LRMDA: variants seen among roughly 807,000 people sequenced by gnomAD.
The protein encoded by LRMDA is leucine rich melanocyte differentiation associated, also known as leucine-rich melanocyte differentiation-associated protein.
A neutral mutation model predicts 29.8 loss-of-function variants in LRMDA; 18 were observed. The ratio of observed to expected loss-of-function variants is 0.60; its 90% confidence interval spans 0.42 to 0.90. The LOEUF is 0.90. Ranked by LOEUF, LRMDA falls within the 40% of genes least tolerant of loss-of-function variation. LRMDA has a pLI of 0.00. For synonymous variants in LRMDA, 125 were observed against 109.4 expected (o/e 1.14, Z -0.89); for missense variants, 273 against 273.9 (o/e 1.00, Z 0.02).
chr10:76,277,907 T>G (rs779408594), intron 5 of LRMDA, among the ~76,000 whole-genome samples: 1 of 152,182 alleles, frequency 6.6e-6, no homozygotes, highest in Non-Finnish European at 1.5e-5. Flanking sequence ...GGGTTTACTT[T>G]TGGGCTTTGG....
intron 5 of LRMDA, among the ~76,000 whole-genome samples, chr10:76,100,076 A>ATTT (rs1382831593): frequency 6.6e-6 from 1 of 151,966 alleles, no homozygotes; most frequent in Admixed American, 6.6e-5. Flanking sequence ...CAGTTTTATC[A>ATTT]TTTTTTGCTT....
chr10:75,510,336 C>T (rs1267457224), intron 2 of LRMDA, among the ~76,000 whole-genome samples: 1 of 152,130 alleles, frequency 6.6e-6, no homozygotes, highest in Admixed American at 6.5e-5. Flanking sequence ...CTCTGAATAC[C>T]AGGTGGAGAT....
chr10:76,432,248 C>T lies in LRMDA; in HGVS notation c.601+107763C>T, dbSNP rs76117304. Among the ~76,000 whole-genome samples, 704 of 152,228 alleles carry T rather than the reference C, an allele frequency of 4.6e-3. 12 individuals carry two copies. The East Asian group carries it at 0.051, about 11-fold the overall frequency. ...GCCTGGGGGTGCTGCTGGTGTGGTGCTCCTTTACTGGCTCTGTCTTGCCAT... is the reference window on the plus strand; with the variant it reads ...GCCTGGGGGTGCTGCTGGTGTGGTGTTCCTTTACTGGCTCTGTCTTGCCAT... On this transcript the variant is annotated intron_variant, in intron 6 of 6. Coordinates refer to ENST00000611255, the MANE Select transcript of LRMDA (RefSeq NM_001305581.2).
At chr10:76,532,210 T>C (rs761740635) in intron 6 of LRMDA, among the ~76,000 whole-genome samples, 22 of 152,162 alleles carry the variant, frequency 1.4e-4, no homozygotes, top group Non-Finnish European at 1.6e-4. Flanking sequence ...TGGTGTGTGA[T>C]GTTCCCCTCC....
At chr10:75,937,859 T>C (rs1047913757) in intron 2 of LRMDA, among the ~76,000 whole-genome samples, 2 of 152,214 alleles carry the variant, frequency 1.3e-5, no homozygotes, top group African/African-American at 4.8e-5. Flanking sequence ...AAGGTGACCC[T>C]ACCAACTTAA....
At chr10:76,283,970 G>A (rs73289050) in intron 5 of LRMDA, among the ~76,000 whole-genome samples, 4,385 of 152,146 alleles carry the variant, frequency 0.029, 169 homozygotes, top group African/African-American at 0.09. Context: ...CACCTTTCTT[G>A]TTTTACTGCT....
intron 5 of LRMDA, among the ~76,000 whole-genome samples, chr10:76,097,919 A>G (rs1849339487): frequency 6.6e-6 from 1 of 152,188 alleles, no homozygotes; most frequent in African/African-American, 2.4e-5. Flanking sequence ...TAGTGATCAG[A>G]TGAGGATAAT....
intron 2 of LRMDA, among the ~76,000 whole-genome samples, chr10:75,958,945 G>C (rs879677093): frequency 2.6e-5 from 4 of 152,136 alleles, no homozygotes; most frequent in African/African-American, 9.7e-5. Flanking sequence ...ATCAGATCTC[G>C]TGAGACTTAC....
intron 6 of LRMDA, among the ~76,000 whole-genome samples, chr10:76,515,675 T>C (rs1489756236): frequency 6.6e-6 from 1 of 152,046 alleles, no homozygotes; most frequent in Non-Finnish European, 1.5e-5. Context: ...CCAGCAAATT[T>C]TTGTATTTTT....
At chr10:75,971,870 T>A (rs1436856804) in intron 2 of LRMDA, among the ~76,000 whole-genome samples, 1 of 152,178 alleles carries the variant, frequency 6.6e-6, no homozygotes, top group African/African-American at 2.4e-5. Context: ...CATGATCTTT[T>A]TGGCCAACGA....
chr10:75,850,533 G>A (rs1844714079), intron 2 of LRMDA, among the ~76,000 whole-genome samples: 1 of 152,274 alleles, frequency 6.6e-6, no homozygotes, highest in Admixed American at 6.5e-5. Context: ...TTTTTCTGTT[G>A]CTCATATAAC....
chr10:76,327,251 C>T (rs759790986), intron 6 of LRMDA, among the ~76,000 whole-genome samples: 2 of 152,074 alleles, frequency 1.3e-5, no homozygotes, highest in Non-Finnish European at 2.9e-5. Context: ...GCCACCATGC[C>T]TGGCTAATTT....
At chr10:75,747,293 A>C (rs1010053337) in intron 2 of LRMDA, among the ~76,000 whole-genome samples, 1 of 152,236 alleles carries the variant, frequency 6.6e-6, no homozygotes, top group East Asian at 1.9e-4. Context: ...AAAAAAGTCG[A>C]ATATAATTCC....
At chr10:75,591,486 C>A (rs1840723755) in intron 2 of LRMDA, among the ~76,000 whole-genome samples, 2 of 152,166 alleles carry the variant, frequency 1.3e-5, no homozygotes, top group Non-Finnish European at 2.9e-5. Flanking sequence ...TTCCTGAGGT[C>A]TTTTTATTTT....
At chr10:75,886,969 C>T (rs2132349514) in intron 2 of LRMDA, among the ~76,000 whole-genome samples, 1 of 152,084 alleles carries the variant, frequency 6.6e-6, no homozygotes, top group South Asian at 2.1e-4. Flanking sequence ...TTATAACATC[C>T]AAGGTGTGTC....
intron 2 of LRMDA, among the ~76,000 whole-genome samples, chr10:75,601,561 G>A (rs1840885704): frequency 6.6e-6 from 1 of 152,076 alleles, no homozygotes; most frequent in Non-Finnish European, 1.5e-5. Context: ...AAACAAAGGT[G>A]CAAATAAGGG....
intron 2 of LRMDA, among the ~76,000 whole-genome samples, chr10:75,471,922 T>C (rs763436115): frequency 3.2e-4 from 49 of 152,224 alleles, no homozygotes; most frequent in Non-Finnish European, 2.4e-4. Context: ...CTTGGATTCT[T>C]ATCCTTGACC....
chr10:76,401,588 C>T (rs1395310215), intron 6 of LRMDA, among the ~76,000 whole-genome samples: 1 of 152,150 alleles, frequency 6.6e-6, no homozygotes, highest in Non-Finnish European at 1.5e-5. Flanking sequence ...ACTTGTTCTC[C>T]TCACCCTCCC....
At chr10:76,443,310 G>C (rs561450138) in intron 6 of LRMDA, among the ~76,000 whole-genome samples, 1 of 152,318 alleles carries the variant, frequency 6.6e-6, no homozygotes, top group Non-Finnish European at 1.5e-5. Flanking sequence ...CGTTCAAGTT[G>C]GGTAATAGCC....
Sources: allele counts gnomAD v4.1 joint callset (sites outside exome capture counted in the v4.1 genomes callset), GRCh38; gene constraint gnomAD v4.1.1; transcripts MANE v1.5; gene names NCBI Gene and HGNC (gene_info 2026-07-23, HGNC 2026-07-21).